Variants in PSD3 observed in about 807,000 individuals in gnomAD.
PSD3 encodes PH and SEC7 domain-containing protein 3.
A neutral mutation model predicts 105.5 loss-of-function variants in PSD3; 49 were observed. The ratio of observed to expected loss-of-function variants is 0.46; its 90% CI spans 0.37 to 0.59. The LOEUF is 0.59. Ranked by LOEUF, PSD3 falls within the 20% of genes least tolerant of loss-of-function variation. PSD3 has a pLI of 0.00. For missense variants in PSD3, 1,561 were observed against 1,263.8 expected (o/e 1.24, Z -3.57); for synonymous variants, 557 against 457.8 (o/e 1.22, Z -2.77).
chr8:19,055,712 C>T (rs1438910501), intron 1 of PSD3, among the ~76,000 whole-genome samples: 7 of 152,210 alleles, frequency 4.6e-5, no homozygotes, highest in African/African-American at 1.7e-4. Context: ...AGCAAAGTTA[C>T]ACAATTAAGA....
intron 1 of PSD3, among the ~76,000 whole-genome samples, chr8:19,073,411 C>T (rs1829336554): frequency 6.6e-6 from 1 of 151,916 alleles, no homozygotes; most frequent in African/African-American, 2.4e-5. Flanking sequence ...ATGAGCCCAG[C>T]ATGGTGGCAC....
chr8:19,013,822 G>C (rs1377581508), upstream of PSD3: 1 of 174,290 alleles, frequency 5.7e-6, no homozygotes, highest in African/African-American at 2.4e-5. Flanking sequence ...GCCGGCGGTG[G>C]CGGGCCCCGG....
At chr8:18,571,363 CCTCTGATGG>C (rs61447102) in intron 14 of PSD3, among the ~76,000 whole-genome samples, 60,649 of 151,650 alleles carry the variant, frequency 0.4, 12,154 homozygotes, top group East Asian at 0.52. Flanking sequence ...GGCCTTCGTT[CCTCTGATGG>C]CTCTTTTTCC....
At chr8:19,040,321 C>G (rs138335085) in intron 1 of PSD3, among the ~76,000 whole-genome samples, 2,209 of 152,234 alleles carry the variant, frequency 0.015, 52 homozygotes, top group African/African-American at 0.051. Flanking sequence ...CCCACCTCAG[C>G]CTTCCAAGCA....
chr8:19,039,313 T>A (rs1340702504), intron 1 of PSD3, among the ~76,000 whole-genome samples: 2 of 152,216 alleles, frequency 1.3e-5, no homozygotes, highest in South Asian at 4.1e-4. Context: ...TCTGTGCTCA[T>A]TTCTGGGCTT....
chr8:18,671,631 T>C lies in PSD3; in HGVS notation c.2173-15946A>G, dbSNP rs961739698. 4.5e-4 allele frequency among the ~76,000 whole-genome samples: 68 copies of C among 149,902 alleles called. 1 individual carries two copies. Among genetic ancestry groups the C allele is most frequent in the Non-Finnish European group, 2.6e-4 (18 of 67,954 alleles). ...CAGTCATCTCCTGATTTTGTTTTTTTGTTTTTTGTTTTTTTTTTTGAGATG... is the reference window on the plus strand; with the variant it reads ...CAGTCATCTCCTGATTTTGTTTTTTCGTTTTTTGTTTTTTTTTTTGAGATG... On this transcript the variant is annotated intron_variant, in intron 9 of 15. Coordinates refer to ENST00000327040, the MANE Select transcript of PSD3 (RefSeq NM_015310.4).
chr8:18,694,994 T>G lies in PSD3; in HGVS notation c.2173-39309A>C, dbSNP rs532866975. Among the ~76,000 whole-genome samples, 69 of 152,212 alleles carry G rather than the reference T, an allele frequency of 4.5e-4. 2 individuals are homozygous for G. The South Asian group carries it at 0.014, about 31-fold the overall frequency. On this transcript the variant is annotated intron_variant, in intron 9 of 15. Transcript: ENST00000327040. ...ATATAAGAAGGAAACAATAAATGGA[T>G]AGGAAAAAAGACCCTCTAAGACAGG...
At chr8:18,740,881 C>T (rs1804518486) in intron 9 of PSD3, among the ~76,000 whole-genome samples, 1 of 152,172 alleles carries the variant, frequency 6.6e-6, no homozygotes, top group Non-Finnish European at 1.5e-5. Flanking sequence ...GGGTTCAGCA[C>T]TTCCACTAGA....
chr8:18,607,115 C>CATCTCTGTG (rs1563371775), intron 11 of PSD3, among the ~76,000 whole-genome samples: 1 of 152,096 alleles, frequency 6.6e-6, no homozygotes, highest in East Asian at 1.9e-4. Context: ...GCACTGAAGG[C>CATCTCTGTG]AGGAAGAGAG....
chr8:18,542,148 C>A (rs1451480509), intron 15 of PSD3, among the ~76,000 whole-genome samples: 1 of 152,162 alleles, frequency 6.6e-6, no homozygotes, highest in Non-Finnish European at 1.5e-5. Context: ...TGTAGGTGGA[C>A]TCCAGTGAGT....
intron 9 of PSD3, among the ~76,000 whole-genome samples, chr8:18,722,688 C>T (rs777116713): frequency 6.6e-6 from 1 of 152,036 alleles, no homozygotes; most frequent in African/African-American, 2.4e-5. Context: ...AAAGAAGAAG[C>T]AATAATGGAT....
At chr8:18,934,536 G>A (rs1226529307) in intron 2 of PSD3, among the ~76,000 whole-genome samples, 5 of 151,810 alleles carry the variant, frequency 3.3e-5, no homozygotes, top group Admixed American at 6.6e-5. Flanking sequence ...TCAGCCTCCC[G>A]AGTAGCTGTG....
chr8:18,927,924 G>A (rs1821477468), intron 2 of PSD3, among the ~76,000 whole-genome samples: 1 of 152,154 alleles, frequency 6.6e-6, no homozygotes. Flanking sequence ...CAACTGTTGT[G>A]GAAAACAATT....
chr8:18,988,708 T>C (rs1439403689), intron 1 of PSD3, among the ~76,000 whole-genome samples: 1 of 152,160 alleles, frequency 6.6e-6, no homozygotes, highest in Non-Finnish European at 1.5e-5. Flanking sequence ...AAGTGTTGAT[T>C]TGAAGGTGTG....
In PSD3 at chr8:18,580,793, A is replaced by C. The variant is rs543078901; in HGVS notation, c.2482-5508T>G. On this transcript the variant is annotated intron_variant, in intron 12 of 15. Transcript: ENST00000327040. ...TTGAACAGCTGCTTTCTAGACCCTAAAGATAAAATCACATAGAGATTCTTG... is the reference window on the plus strand; with the variant it reads ...TTGAACAGCTGCTTTCTAGACCCTACAGATAAAATCACATAGAGATTCTTG... Among the ~76,000 whole-genome samples the C allele has an allele frequency of 2.0e-5, 3 of 152,294 alleles. 1 individual carries two copies. Among genetic ancestry groups the C allele is most frequent in the African/African-American group, 7.2e-5 (3 of 41,560 alleles).
At chr8:18,726,801 C>T (rs1459382338) in intron 9 of PSD3, among the ~76,000 whole-genome samples, 1 of 152,222 alleles carries the variant, frequency 6.6e-6, no homozygotes, top group African/African-American at 2.4e-5. Flanking sequence ...TCCAACCACG[C>T]TTCGGGGCTC....
chr8:18,854,980 C>T (rs988616081), intron 4 of PSD3, among the ~76,000 whole-genome samples: 5 of 152,202 alleles, frequency 3.3e-5, no homozygotes, highest in Non-Finnish European at 7.3e-5. Context: ...CAGAGGCATC[C>T]GAGAAACCAG....
intron 11 of PSD3, among the ~76,000 whole-genome samples, chr8:18,610,050 T>C (rs1360412999): frequency 6.6e-5 from 10 of 152,226 alleles, no homozygotes; most frequent in Non-Finnish European, 1.5e-4. Context: ...CCTAATCACT[T>C]ATCTTTGAAA....
intron 1 of PSD3, among the ~76,000 whole-genome samples, chr8:19,056,812 T>G (rs1021927851): frequency 2.0e-5 from 3 of 151,978 alleles, no homozygotes; most frequent in African/African-American, 7.3e-5. Flanking sequence ...TAAAAAGAAA[T>G]AGAGATAAAA....
Sources: allele counts gnomAD v4.1 joint callset (sites outside exome capture counted in the v4.1 genomes callset), GRCh38; gene constraint gnomAD v4.1.1; transcripts MANE v1.5; gene names NCBI Gene and HGNC (gene_info 2026-07-23, HGNC 2026-07-21).